SPRED2: variants seen among roughly 807,000 people sequenced by gnomAD.
SPRED2 encodes sprouty related EVH1 domain containing 2, also known as sprouty-related, EVH1 domain-containing protein 2.
SPRED2 carries 47 observed loss-of-function variants against 43.0 expected under a neutral mutation model. The ratio of observed to expected loss-of-function variants is 1.09; its 90% CI spans 0.87 to 1.40. The LOEUF (loss-of-function observed/expected upper bound fraction) is 1.40. Among genes scored for constraint, SPRED2 ranks in the 40% most tolerant of loss-of-function variants. The pLI, the probability that SPRED2 is intolerant of heterozygous loss-of-function variation, is 0.00. For synonymous variants in SPRED2, 225 were observed against 225.7 expected (o/e 1.00, Z 0.03); for missense variants, 561 against 586.4 (o/e 0.96, Z 0.45).
chr2:65,422,748 A>G (rs553406480), intron 1 of SPRED2, among the ~76,000 whole-genome samples: 10 of 152,276 alleles, frequency 6.6e-5, no homozygotes, highest in Admixed American at 4.6e-4. Flanking sequence ...TAAGGTCTTC[A>G]AAGGTTTTTT....
At chr2:65,414,718 G>A (rs995041171) in intron 1 of SPRED2, among the ~76,000 whole-genome samples, 7 of 152,198 alleles carry the variant, frequency 4.6e-5, no homozygotes, top group African/African-American at 1.7e-4. Flanking sequence ...GGAACCTTAA[G>A]GAGATGCAAG....
chr2:65,353,059 A>C (rs561901361), intron 1 of SPRED2, among the ~76,000 whole-genome samples: 53 of 152,266 alleles, frequency 3.5e-4, no homozygotes, highest in African/African-American at 1.3e-3. Context: ...TGGCGGTGGT[A>C]GTCTTTGCTT....
At chr2:65,350,432 G>C (rs530429446) in intron 1 of SPRED2, among the ~76,000 whole-genome samples, 6 of 152,266 alleles carry the variant, frequency 3.9e-5, no homozygotes, top group Middle Eastern at 3.4e-3. Context: ...AATGGAGCCC[G>C]AGTGTCTGAA....
chr2:65,329,005 T>C (rs1181148060), intron 4 of SPRED2, among the ~76,000 whole-genome samples: 1 of 152,104 alleles, frequency 6.6e-6, no homozygotes, highest in African/African-American at 2.4e-5. Flanking sequence ...AACTTGCAAA[T>C]ACCCAAAAGC....
intron 4 of SPRED2, among the ~76,000 whole-genome samples, chr2:65,325,741 G>C (rs1673592101): frequency 6.6e-6 from 1 of 152,202 alleles, no homozygotes; most frequent in South Asian, 2.1e-4. Context: ...AGGAGTTGGA[G>C]ACCAGCCTGG....
intron 1 of SPRED2, among the ~76,000 whole-genome samples, chr2:65,400,562 T>C (rs1176842571): frequency 6.6e-6 from 1 of 152,188 alleles, no homozygotes; most frequent in Non-Finnish European, 1.5e-5. Context: ...GTAAGGTCTT[T>C]AGTGGTGGCC....
At chr2:65,413,928 A>T (rs1315360738) in intron 1 of SPRED2, among the ~76,000 whole-genome samples, 2 of 152,234 alleles carry the variant, frequency 1.3e-5, no homozygotes, top group Admixed American at 6.5e-5. Flanking sequence ...AATTTTCAAC[A>T]ATCAAGAATG....
At chr2:65,372,381 A>C (rs964061927) in intron 1 of SPRED2, among the ~76,000 whole-genome samples, 2 of 152,194 alleles carry the variant, frequency 1.3e-5, no homozygotes, top group Admixed American at 1.3e-4. Flanking sequence ...AATACATTAG[A>C]AATATGGGAA....
chr2:65,387,828 T>C (rs532547057), intron 1 of SPRED2, among the ~76,000 whole-genome samples: 43 of 152,076 alleles, frequency 2.8e-4, no homozygotes, highest in African/African-American at 9.9e-4. Flanking sequence ...AGTTTGGCTC[T>C]GTTGCCCAGG....
chr2:65,334,469 AG>A (rs1673904955), intron 3 of SPRED2, 135 bp downstream of exon 3: 7 of 983,826 alleles, frequency 7.1e-6, no homozygotes, highest in Non-Finnish European at 1.1e-5. Context: ...AAATTCCAAA[AG>A]TTTTGGCATC....
chr2:65,345,902 A>C, intron 1 of SPRED2, among the ~76,000 whole-genome samples: 1 of 152,106 alleles, frequency 6.6e-6, no homozygotes, highest in East Asian at 1.9e-4. Flanking sequence ...TTTTGGGGGA[A>C]ATTTATTTGG....
intron 5 of SPRED2, among the ~76,000 whole-genome samples, chr2:65,315,099 T>C (rs565551305): frequency 7.5e-5 from 11 of 146,338 alleles, no homozygotes; most frequent in African/African-American, 2.8e-4. Context: ...AAATATTTAT[T>C]AATTACATGC....
intron 1 of SPRED2, among the ~76,000 whole-genome samples, chr2:65,367,514 C>A (rs1029125421): frequency 6.6e-6 from 1 of 151,782 alleles, no homozygotes; most frequent in Non-Finnish European, 1.5e-5. Context: ...TAATTTATAC[C>A]TAAACAAGGC....
chr2:65,410,615 C>T (rs1181763323), intron 1 of SPRED2, among the ~76,000 whole-genome samples: 8 of 151,928 alleles, frequency 5.3e-5, no homozygotes, highest in Non-Finnish European at 8.8e-5. Flanking sequence ...AAAAATTAGC[C>T]GGGCGTGGTG....
At chr2:65,397,947 A>C (rs971763121) in intron 1 of SPRED2, among the ~76,000 whole-genome samples, 1 of 152,242 alleles carries the variant, frequency 6.6e-6, no homozygotes, top group African/African-American at 2.4e-5. Context: ...ACTAAGCAAA[A>C]AGAACAAATC....
At chr2:65,356,950 C>T (rs1362191242) in intron 1 of SPRED2, among the ~76,000 whole-genome samples, 3 of 152,096 alleles carry the variant, frequency 2.0e-5, no homozygotes, top group East Asian at 1.9e-4. Flanking sequence ...GCTAAGATCA[C>T]GCTACTGCAC....
At chr2:65,391,226 AC>A (rs1430003825) in intron 1 of SPRED2, among the ~76,000 whole-genome samples, 36 of 151,680 alleles carry the variant, frequency 2.4e-4, no homozygotes, top group East Asian at 1.2e-3. Context: ...ACACACACAC[AC>A]ACGAATCATT....
At chr2:65,412,699 C>A (rs1202116264) in intron 1 of SPRED2, among the ~76,000 whole-genome samples, 4 of 152,104 alleles carry the variant, frequency 2.6e-5, no homozygotes, top group African/African-American at 9.7e-5. Flanking sequence ...GGAATGAGAT[C>A]AGTATGAGAA....
At chr2:65,327,883 C>T (rs564817513) in intron 4 of SPRED2, among the ~76,000 whole-genome samples, 2 of 151,874 alleles carry the variant, frequency 1.3e-5, no homozygotes, top group Non-Finnish European at 2.9e-5. Context: ...GCCATCATGC[C>T]TGGCTAATTT....
Sources: allele counts gnomAD v4.1 joint callset (sites outside exome capture counted in the v4.1 genomes callset), GRCh38; gene constraint gnomAD v4.1.1; transcripts MANE v1.5; gene names NCBI Gene and HGNC (gene_info 2026-07-23, HGNC 2026-07-21).